The following MYH8 variants were observed in gnomAD, a reference collection of about 807,000 sequenced individuals.
MYH8 encodes the protein myosin heavy chain 8, also known as myosin-8.
A neutral mutation model predicts 233.2 loss-of-function variants in MYH8; 168 were observed. The ratio of observed to expected loss-of-function variants is 0.72; its 90% CI spans 0.64 to 0.82. MYH8 has a LOEUF of 0.82. Among genes scored for constraint, MYH8 ranks in the 40% least tolerant of loss-of-function variants. The pLI is 0.00. For synonymous variants in MYH8, 785 were observed against 850.6 expected, an observed-to-expected ratio of 0.92 and a Z score of 1.34; for missense variants, 1,995 against 2,327.8, an observed-to-expected ratio of 0.86 and a Z score of 2.94.
chr17:10,412,486 C>T lies in MYH8; in HGVS notation c.1300G>A (p.Val434Ile), dbSNP rs757761959. The T allele has an allele frequency of 3.8e-5, 62 of 1,614,106 alleles. No individual in the cohort carries two copies. The East Asian group carries it at 5.3e-4, about 14-fold the overall frequency. The change falls in exon 14 of 40, where the codon GTC becomes ATC. Residue 434 changes from valine to isoleucine, a missense_variant. Around this residue, in one of 3 missense-constraint regions of MYH8, gnomAD observed 479 missense variants for 600.9 expected, o/e 0.80. Transcript: ENST00000403437. ...ATCCACAGGAACATCTTCTCGTAGA[C>T]GGCTTTGGCCAGAGCACCCACCGCA... ...YNAVGALAKAVYEKMFLWMVT... is the reference protein window; with the variant it reads ...YNAVGALAKAIYEKMFLWMVT...
chr17:10,394,444 C>G lies in MYH8; in HGVS notation c.4971G>C (p.Gln1657His). The change falls in exon 35 of 40, where the codon CAG (glutamine) becomes CAC (histidine). Residue 1657 changes from glutamine to histidine, a missense_variant. Around this residue, in one of 3 missense-constraint regions of MYH8, gnomAD observed 1,498 missense variants for 1,680.9 expected, o/e 0.89. Transcript: ENST00000403437. ...RNTQGILKET[Q>H]LHLDDALRGQ... is the part of the protein sequence containing the mutation. Reference sequence around the variant, plus strand: ...CCCGGAGAGCATCATCCAGGTGGAGCTGGGTTTCCTAATAAGTGAAAAACA... The same window carrying G: ...CCCGGAGAGCATCATCCAGGTGGAGGTGGGTTTCCTAATAAGTGAAAAACA... 1.2e-6 allele frequency: 2 copies of G among 1,614,148 alleles called. No individual in the cohort carries two copies. The highest frequency in any genetic ancestry group is 1.7e-6 in the Non-Finnish European group (2 of 1,180,030).
rs1159067453 is a variant in MYH8, at chr17:10,406,394, G to C, written c.2175C>G (p.Tyr725Ter). ...GAATAGCACTTGCATTTAAAACCTT[G>C]TATCTGCTCAGTTAAAGAAAGAAAG... is the stretch of plus-strand genomic sequence containing the variant. ...RILYGDFKQR[Y>*]KVLNASAIPE... The change falls in exon 20 of 40, where the codon TAC (tyrosine) becomes TAG (stop). Residue 725 changes from tyrosine to a stop codon, truncating the protein, a stop_gained. Coordinates refer to ENST00000403437, the MANE Select transcript of MYH8 (RefSeq NM_002472.3). LOFTEE classifies it high-confidence loss of function. 1.9e-6 allele frequency: 3 copies of C among 1,613,868 alleles called. No individual in the cohort carries two copies. In the African/African-American group the frequency reaches 4.0e-5, roughly 22 times the overall value.
At position 10,404,489 on chromosome 17, in the gene MYH8, G is replaced by A; in HGVS notation, c.2529C>T (p.Leu843=). Residue 843 remains leucine, a synonymous_variant, in exon 22 of 40, where the codon CTC becomes CTT. Coordinates refer to ENST00000403437, the MANE Select transcript of MYH8 (RefSeq NM_002472.3). ...TCTCTTTCTCGGTCTCTGCACTCTT[G>A]AGGAGGGGCTTAATCTTGAAAAAGA... ...MKLFFKIKPL[L]KSAETEKEMA... 1 of 1,613,988 alleles carries A rather than the reference G, an allele frequency of 6.2e-7. No homozygotes were observed.
chr17:10,412,618 C>T lies in MYH8; in HGVS notation c.1258G>A (p.Val420Met), dbSNP rs1419393171. Residue 420 changes from valine (V) to methionine (M), a missense_variant, in exon 13 of 40, where the codon GTG becomes ATG. By Grantham distance (21) the Val-to-Met change is conservative. Coordinates refer to ENST00000403437, the MANE Select transcript of MYH8 (RefSeq NM_002472.3). ...TGAGGTCATGCACTTACCTGCTGCA[C>T]AGTCTGGCCTTTGGTGACATACTCA... ...GNEYVTKGQT[V>M]QQVYNAVGAL... 8.1e-6 allele frequency: 13 copies of T among 1,614,134 alleles called. No homozygotes were observed. The highest frequency in any genetic ancestry group is 1.1e-5 in the Non-Finnish European group (13 of 1,180,040).
chr17:10,415,238 A>G lies in MYH8; in HGVS notation c.741+54T>C. 1 of 1,602,796 alleles carries G rather than the reference A, an allele frequency of 6.2e-7. No individual in the cohort carries two copies. The highest frequency in any genetic ancestry group is 8.5e-7 in the Non-Finnish European group (1 of 1,169,710). On this transcript the variant is annotated intron_variant, in intron 8 of 39. Transcript: ENST00000403437. The surrounding 1 kb of genome is among the most constrained non-coding windows in gnomAD (Gnocchi z 4.1). ...ACACAAAGAGAGATGCAAATGAAAT[A>G]ATAATTCAGACGTGGCTACTCTGGA...
Position 10,420,189 on chromosome 17 carries a change from G to T in MYH8, c.39C>A (p.Gly13=). 2 of 1,613,694 alleles carry T rather than the reference G, an allele frequency of 1.2e-6. No homozygotes were observed. Among genetic ancestry groups the T allele is most frequent in the Non-Finnish European group, 1.7e-6 (2 of 1,180,026 alleles). Reference sequence around the variant, plus strand: ...ATTTTCGAAGGTAGGGAGCAGCTTCGCCAAAAACAGCCATCTCAGCGTCTG... The same window carrying T: ...ATTTTCGAAGGTAGGGAGCAGCTTCTCCAAAAACAGCCATCTCAGCGTCTG... ...ASSDAEMAVF[G]EAAPYLRKSE... is the part of the protein sequence containing the mutation. The change falls in exon 3 of 40, where the codon GGC becomes GGA. Residue 13 remains glycine, a synonymous_variant. Coordinates refer to ENST00000403437, the MANE Select transcript of MYH8 (RefSeq NM_002472.3).
intron 12 of MYH8, among the ~76,000 whole-genome samples, chr17:10,413,438 G>T (rs985590184): frequency 3.9e-5 from 6 of 152,002 alleles, no homozygotes; most frequent in African/African-American, 1.2e-4. Context: ...ACTCTTACTT[G>T]CTGCCTATAT....
At chr17:10,420,981 A>G (rs992574141) in intron 2 of MYH8, among the ~76,000 whole-genome samples, 6 of 152,162 alleles carry the variant, frequency 3.9e-5, no homozygotes, top group African/African-American at 9.7e-5. Context: ...CATAAATTCC[A>G]TGGGTTTCTT....
At position 10,414,038 on chromosome 17, in the gene MYH8, A is replaced by G; in HGVS notation, c.1011T>C (p.Ser337=). 1 of 1,614,078 alleles carries G rather than the reference A, an allele frequency of 6.2e-7. No homozygotes were observed. Among genetic ancestry groups the G allele is most frequent in the Non-Finnish European group, 8.5e-7 (1 of 1,180,010 alleles). The change falls in exon 12 of 40, where the codon AGT becomes AGC. Residue 337 remains serine, a splice_region_variant and synonymous_variant. Coordinates refer to ENST00000403437, the MANE Select transcript of MYH8 (RefSeq NM_002472.3). ...DDQEELMATD[S]AIDILGFTPE... is the part of the protein sequence containing the mutation. Reference sequence around the variant, plus strand: ...GAGTGAAGCCCAGGATGTCAATGGCACTCTACCAGGAAAAATGAGAGGACA... The same window carrying G: ...GAGTGAAGCCCAGGATGTCAATGGCGCTCTACCAGGAAAAATGAGAGGACA...
At chr17:10,420,719 C>T (rs561413188) in intron 2 of MYH8, among the ~76,000 whole-genome samples, 1 of 152,198 alleles carries the variant, frequency 6.6e-6, no homozygotes, top group Non-Finnish European at 1.5e-5. Flanking sequence ...TTAAGATGGC[C>T]ATTTTCTCTC....
At chr17:10,408,138 A>G (rs957830326) in intron 17 of MYH8, among the ~76,000 whole-genome samples, 9 of 151,726 alleles carry the variant, frequency 5.9e-5, no homozygotes, top group African/African-American at 2.2e-4. Flanking sequence ...ATGGGGTTTC[A>G]CCATATTGGC....
intron 22 of MYH8, 96 bp downstream of exon 22, chr17:10,404,234 T>TG: frequency 6.7e-7 from 1 of 1,491,074 alleles, no homozygotes; most frequent in South Asian, 1.2e-5. Flanking sequence ...CAACTTGAGA[T>TG]TTTTTTTCAA....
At chr17:10,399,464 G>C (rs1027541499) in intron 28 of MYH8, 79 bp downstream of exon 28, 3 of 1,602,016 alleles carry the variant, frequency 1.9e-6, no homozygotes. Flanking sequence ...TCTAAAGTGG[G>C]AATATTGCTA....
Position 10,414,175 on chromosome 17 carries a change from T to C in MYH8, c.1008+17A>G. 1 of 1,612,146 alleles carries C rather than the reference T, an allele frequency of 6.2e-7. No individual in the cohort carries two copies. Among genetic ancestry groups the C allele is most frequent in the Non-Finnish European group, 8.5e-7 (1 of 1,178,184 alleles). ...TCCATACATAATGGATTTTTAAAATTAGTGTTTTTGACTTACATCAGTGGC... is the reference window on the plus strand; with the variant it reads ...TCCATACATAATGGATTTTTAAAATCAGTGTTTTTGACTTACATCAGTGGC... On this transcript the variant is annotated intron_variant, in intron 11 of 39. Coordinates refer to ENST00000403437, the MANE Select transcript of MYH8 (RefSeq NM_002472.3).
At position 10,396,803 on chromosome 17, in the gene MYH8, C is replaced by G; in HGVS notation, c.4362G>C (p.Lys1454Asn). 2 of 1,614,194 alleles carry G rather than the reference C, an allele frequency of 1.2e-6. No individual in the cohort carries two copies. The highest frequency in any genetic ancestry group is 2.2e-5 in the East Asian group (1 of 44,886). Residue 1454 changes from lysine (K) to asparagine (N), a missense_variant and splice_region_variant, in exon 31 of 40, where the codon AAG becomes AAC. Around this residue, in one of 3 missense-constraint regions of MYH8, gnomAD observed 1,498 missense variants for 1,680.9 expected, o/e 0.89. Transcript: ENST00000403437. This position sits in a 1 kb window ranked among gnomAD's most constrained non-coding sequence, Gnocchi z 4.2. The stretch of plus-strand genomic sequence containing the variant: ...TTAAAGTTTAAGCAGTCTGGGCCAC[C>G]TTGTCAAAGTTCCTTTGCTTCTTAT... The part of the protein sequence containing the change: ...ALDKKQRNFD[K>N]VLSEWKQKYE...
Position 10,418,757 on chromosome 17 carries a change from C to A in MYH8, c.399G>T (p.Trp133Cys), listed in dbSNP as rs765031203. 8.7e-6 allele frequency: 14 copies of A among 1,613,888 alleles called. No individual in the cohort carries two copies. In the East Asian group the frequency reaches 3.1e-4, roughly 36 times the overall value. ...CCACCTCGGGCTTGTACACCGGCAG[C>A]CACTTGTAGGGGTTGACGGTGACAC... is the stretch of plus-strand genomic sequence containing the variant. ...LFCVTVNPYK[W>C]LPVYKPEVVA... The change falls in exon 5 of 40, where the codon TGG becomes TGT. Residue 133 changes from tryptophan (W) to cysteine (C), a missense_variant. By Grantham distance (215) the Trp-to-Cys change is radical. This residue lies in a region of MYH8 where 479 missense variants were observed against 600.9 expected (regional missense o/e 0.80). Coordinates refer to ENST00000403437, the MANE Select transcript of MYH8 (RefSeq NM_002472.3).
In MYH8 at chr17:10,415,800, T is replaced by A; in HGVS notation, c.512-92A>T. 7.0e-7 allele frequency: 1 copy of A among 1,429,762 alleles called. No homozygotes were observed. The highest frequency in any genetic ancestry group is 9.6e-7 in the Non-Finnish European group (1 of 1,037,688). The allele number at this position is 1,429,762 out of a possible 1,614,324, so 88.6% of individuals were successfully genotyped here. Reference sequence around the variant, plus strand: ...CAGATCAAACACAGCTTGTTCTTTTTAACTTTTTGAAGATGTCACCTTTGG... The same window carrying A: ...CAGATCAAACACAGCTTGTTCTTTTAAACTTTTTGAAGATGTCACCTTTGG... On this transcript the variant is annotated intron_variant, in intron 5 of 39. Transcript: ENST00000403437. This position sits in a 1 kb window ranked among gnomAD's most constrained non-coding sequence, Gnocchi z 4.1.
At position 10,410,869 on chromosome 17, in the gene MYH8, G is replaced by A. The variant is rs2072238049; in HGVS notation, c.1495C>T (p.Leu499=). The change falls in exon 15 of 40, where the codon CTA becomes TTA. Residue 499 remains leucine, a synonymous_variant. Transcript: ENST00000403437. ...QQFFNHHMFV[L]EQEEYKKEGI... ...TCCTTCTTGTACTCCTCCTGCTCTA[G>A]CACAAACATGTGGTGGTTGAAAAAC... 1 of 1,613,762 alleles carries A rather than the reference G, an allele frequency of 6.2e-7. No individual in the cohort carries two copies. Among genetic ancestry groups the A allele is most frequent in the Admixed American group, 1.7e-5 (1 of 59,988 alleles).
rs1185937455 is a variant in MYH8, at chr17:10,409,140, T to G, written c.1922A>C (p.Lys641Thr). The G allele has an allele frequency of 6.2e-7, 1 of 1,614,236 alleles. No homozygotes were observed. ...AGTCTGGAAAGAAGAGCCCTTTTTC[T>G]TAGCACCTTTCTTCGCGCTGCTATC... The part of the protein sequence containing the change: ...EADSSAKKGA[K>T]KKGSSFQTVS... Residue 641 changes from lysine to threonine, a missense_variant, in exon 17 of 40, where the codon AAG becomes ACG. Transcript: ENST00000403437.
Sources: allele counts gnomAD v4.1 joint callset (sites outside exome capture counted in the v4.1 genomes callset), GRCh38; gene constraint gnomAD v4.1.1; regional missense constraint gnomAD v4.1.1; non-coding constraint Gnocchi (gnomAD v3.1); transcripts MANE v1.5; gene names NCBI Gene and HGNC (gene_info 2026-07-23, HGNC 2026-07-21).